The following CDH24 variants were observed in gnomAD, a reference collection of about 807,000 sequenced individuals.
The protein encoded by CDH24 is cadherin-24.
CDH24 carries 61 observed loss-of-function variants against 71.2 expected under a neutral mutation model. The observed-to-expected ratio is 0.86, with a 90% CI of 0.70 to 1.06. The LOEUF (loss-of-function observed/expected upper bound fraction) is 1.06. CDH24 is among the 50% of genes least tolerant of loss of function. The pLI, the probability that CDH24 is intolerant of heterozygous loss-of-function variation, is 0.00. For synonymous variants in CDH24, 440 were observed against 470.2 expected, an observed-to-expected ratio of 0.94 and a Z score of 0.83; for missense variants, 961 against 1,083.7, an observed-to-expected ratio of 0.89 and a Z score of 1.59.
Position 23,047,940 on chromosome 14 carries a change from G to A in CDH24, c.*40C>T. On this transcript the variant is annotated 3_prime_UTR_variant, in exon 12 of 13. Coordinates refer to ENST00000487137, the MANE Select transcript of CDH24 (RefSeq NM_144985.4). The stretch of plus-strand genomic sequence containing the variant: ...GGGCTCACTCAGAGGGCCTGTGCCC[G>A]CTGCCCCCCCCCCGCGGTGGGCCGG... 3.1e-6 allele frequency: 4 copies of A among 1,280,016 alleles called. No homozygotes were observed. The highest frequency in any genetic ancestry group is 2.0e-6 in the Non-Finnish European group (2 of 1,014,506). 79.3% of individuals were successfully genotyped at this position (1,280,016 alleles called of 1,614,324 possible).
At position 23,051,194 on chromosome 14, in the gene CDH24, G is replaced by C. The variant is rs536838609; in HGVS notation, c.1364-1251C>G. ...TACTATGCACACAGTTGCATGTATA[G>C]AAACATAAACCTAGACACATAGCAT... On this transcript the variant is annotated intron_variant, in intron 8 of 12. Transcript: ENST00000487137. This position sits in a 1 kb window ranked among gnomAD's most constrained non-coding sequence, Gnocchi z 4.4. 6.6e-6 allele frequency among the ~76,000 whole-genome samples: 1 copy of C among 152,180 alleles called. No homozygotes were observed. Among genetic ancestry groups the C allele is most frequent in the East Asian group, 1.9e-4 (1 of 5,200 alleles).
rs556785546 is a variant in CDH24 at position 23,047,451 on chromosome 14, G to A, written c.*519+10C>T. 4 of 152,936 alleles carry A rather than the reference G, an allele frequency of 2.6e-5. No homozygotes were observed. In the East Asian group the frequency reaches 5.8e-4, roughly 22 times the overall value. 9.5% of individuals were successfully genotyped at this position (152,936 alleles called of 1,614,324 possible). A position where few individuals can be genotyped will look rare whatever the true frequency, so the allele number is the denominator to read the frequency against. ...TCCACCGCCCTGCCCCACAGTCTAG[G>A]GGCACTGACCTGGGGCACAACATCC... On this transcript the variant is annotated intron_variant, in intron 12 of 12. Transcript: ENST00000487137.
At position 23,052,097 on chromosome 14, in the gene CDH24, T is replaced by C. The variant is rs941053578; in HGVS notation, c.1363+376A>G. 4.3e-6 allele frequency: 6 copies of C among 1,390,540 alleles called. No individual in the cohort carries two copies. In the African/African-American group the frequency reaches 8.6e-5, roughly 20 times the overall value. The allele number at this position is 1,390,540 out of a possible 1,614,324, so 86.1% of individuals were successfully genotyped here. On this transcript the variant is annotated intron_variant, in intron 8 of 12. Coordinates refer to ENST00000487137, the MANE Select transcript of CDH24 (RefSeq NM_144985.4). ...CCCAGCTCCAGCCTGAAGCAGAGAG[T>C]GGGCAGGATGGGGTCTGTCAGTACA... is the stretch of plus-strand genomic sequence containing the variant.
rs2047093643 is a variant in CDH24 at position 23,052,604 on chromosome 14, G to A, written c.1232C>T (p.Ser411Phe). ...CTCCGGATCTGAGTGGGGGAGGATG[G>A]AGTATCTGGGGAAGGGAGAGACATG... ...LDSPASPIRY[S>F]ILPHSDPERC... The change falls in exon 8 of 13, where the codon TCC becomes TTC. Residue 411 changes from serine to phenylalanine, a missense_variant. Ser to Phe is a radical substitution (Grantham distance 155, BLOSUM62 -2). Around this residue, in one of 2 missense-constraint regions of CDH24, gnomAD observed 671 missense variants for 810.9 expected, o/e 0.83. Coordinates refer to ENST00000487137, the MANE Select transcript of CDH24 (RefSeq NM_144985.4). 1 of 1,613,542 alleles carries A rather than the reference G, an allele frequency of 6.2e-7. No individual in the cohort carries two copies. The highest frequency in any genetic ancestry group is 1.3e-5 in the African/African-American group (1 of 74,920).
In CDH24 at chr14:23,054,934, G is replaced by A; in HGVS notation, c.497-68C>T. ...GATGGGGAAGAACAACCGATGGGGG[G>A]GGATGCAGATACGAGGGAGGCTGAA... On this transcript the variant is annotated intron_variant, in intron 3 of 12. Transcript: ENST00000487137. The surrounding 1 kb of genome is among the most constrained non-coding windows in gnomAD (Gnocchi z 5.2). 2 of 1,604,442 alleles carry A rather than the reference G, an allele frequency of 1.2e-6. No homozygotes were observed. Among genetic ancestry groups the A allele is most frequent in the South Asian group, 1.1e-5 (1 of 90,316 alleles).
At chr14:23,056,621 C>A (rs2047132291) in intron 1 of CDH24, among the ~76,000 whole-genome samples, 1 of 152,198 alleles carries the variant, frequency 6.6e-6, no homozygotes, top group African/African-American at 2.4e-5. Flanking sequence ...GCCTGGGTGT[C>A]TGAAGGCAGA....
chr14:23,054,109 T>G lies in CDH24; in HGVS notation c.972+32A>C, dbSNP rs115336869. The G allele has an allele frequency of 7.8e-4, 1,218 of 1,559,330 alleles. 6 individuals carry two copies. In the African/African-American group the frequency reaches 0.014, roughly 18 times the overall value. ...CCTGTGGGTCGGCAGGAGGCAGGTC[T>G]AAGAGAAAGCATTAACAGGCAGGAG... On this transcript the variant is annotated intron_variant, in intron 6 of 12. Coordinates refer to ENST00000487137, the MANE Select transcript of CDH24 (RefSeq NM_144985.4). The surrounding 1 kb of genome is among the most constrained non-coding windows in gnomAD (Gnocchi z 5.2).
Position 23,057,027 on chromosome 14 carries a change from G to A in CDH24, c.-125+376C>T, listed in dbSNP as rs567607502. Among the ~76,000 whole-genome samples the A allele has an allele frequency of 1.3e-5, 2 of 151,992 alleles. No individual in the cohort carries two copies. The highest frequency in any genetic ancestry group is 1.3e-4 in the Admixed American group (2 of 15,258). On this transcript the variant is annotated intron_variant, in intron 1 of 12. Coordinates refer to ENST00000487137, the MANE Select transcript of CDH24 (RefSeq NM_144985.4). This position sits in a 1 kb window ranked among gnomAD's most constrained non-coding sequence, Gnocchi z 5.4. Reference sequence around the variant, plus strand: ...GAGTGGGAAACAGGATAGCAGGAAGGGGAGAGGAGAGGGAGGGAAAGGAGA... The same window carrying A: ...GAGTGGGAAACAGGATAGCAGGAAGAGGAGAGGAGAGGGAGGGAAAGGAGA...
Position 23,055,759 on chromosome 14 carries a change from T to A in CDH24, c.-26A>T. ...GTTTGGACTCCAGCCAGGGCTCTGT[T>A]CACTGGCCCTGGGTGCTGAGGCTGG... On this transcript the variant is annotated 5_prime_UTR_variant, in exon 2 of 13. It removes the in-frame stop codon of an upstream open reading frame in the 5' UTR. Transcript: ENST00000487137. This position sits in a 1 kb window ranked among gnomAD's most constrained non-coding sequence, Gnocchi z 4.1. 6.5e-7 allele frequency: 1 copy of A among 1,528,232 alleles called. No individual in the cohort carries two copies. The highest frequency in any genetic ancestry group is 8.7e-7 in the Non-Finnish European group (1 of 1,143,282). 94.7% of individuals were successfully genotyped at this position (1,528,232 alleles called of 1,614,324 possible).
Position 23,052,510 on chromosome 14 carries a change from G to A in CDH24, c.1326C>T (p.Arg442=), listed in dbSNP as rs767768911. The A allele has an allele frequency of 3.0e-5, 49 of 1,613,910 alleles. No homozygotes were observed. The highest frequency in any genetic ancestry group is 5.0e-5 in the Admixed American group (3 of 60,002). ...CCAGCACAGTGAGGTTGTGCCAGGC[G>A]CGAGCCTCGCGATCCAGGGGTGCTG... ...HTAAPLDREA[R]AWHNLTVLAT... is the part of the protein sequence containing the mutation. The change falls in exon 8 of 13, where the codon CGC becomes CGT. Residue 442 remains arginine (R), a synonymous_variant. Coordinates refer to ENST00000487137, the MANE Select transcript of CDH24 (RefSeq NM_144985.4).
Position 23,053,727 on chromosome 14 carries a change from C to A in CDH24, c.995G>T (p.Arg332Leu), listed in dbSNP as rs1328032416. ...GGCCTCGACACGGAAGGAGTAGGAG[C>A]GCTGGCTCTCAAAGTCTAGGGGCTA... ...VRKPLDFESQ[R>L]SYSFRVEATN... The change falls in exon 7 of 13, where the codon CGC becomes CTC. Residue 332 changes from arginine to leucine, a missense_variant. Around this residue, in one of 2 missense-constraint regions of CDH24, gnomAD observed 671 missense variants for 810.9 expected, o/e 0.83. Transcript: ENST00000487137. 6.2e-7 allele frequency: 1 copy of A among 1,608,332 alleles called. No individual in the cohort carries two copies. The highest frequency in any genetic ancestry group is 1.1e-5 in the South Asian group (1 of 90,960).
intron 1 of CDH24, among the ~76,000 whole-genome samples, chr14:23,056,969 CGGGATGAGGAG>C (rs2047139254): frequency 4.4e-5 from 4 of 91,700 alleles, no homozygotes; most frequent in Non-Finnish European, 9.4e-5. Context: ...AGAGAGAAGG[CGGGATGAGGAG>C]GCGAGAAGGA....
In CDH24 at chr14:23,054,729, C is replaced by G. The variant is rs368508934; in HGVS notation, c.616+18G>C. On this transcript the variant is annotated intron_variant, in intron 4 of 12. Transcript: ENST00000487137. The surrounding 1 kb of genome is among the most constrained non-coding windows in gnomAD (Gnocchi z 5.2). ...GTCCCCTTGGCTGCCCCACCGGGCT[C>G]CCAGGCTCCATCCTCACCAGTCTGG... 6.2e-7 allele frequency: 1 copy of G among 1,613,952 alleles called. No homozygotes were observed. The highest frequency in any genetic ancestry group is 1.3e-5 in the African/African-American group (1 of 74,900).
rs1446895322 is a variant in CDH24, at chr14:23,054,193, A to G, written c.920T>C (p.Phe307Ser). The G allele has an allele frequency of 6.2e-7, 1 of 1,613,186 alleles. No individual in the cohort carries two copies. The highest frequency in any genetic ancestry group is 8.5e-7 in the Non-Finnish European group (1 of 1,179,670). The change falls in exon 6 of 13, where the codon TTC becomes TCC. Residue 307 changes from phenylalanine (F) to serine (S), a missense_variant. Physicochemically the swap from Phe to Ser is radical, Grantham distance 155. This residue lies in a region of CDH24 where 671 missense variants were observed against 810.9 expected (regional missense o/e 0.83). Coordinates refer to ENST00000487137, the MANE Select transcript of CDH24 (RefSeq NM_144985.4). This position sits in a 1 kb window ranked among gnomAD's most constrained non-coding sequence, Gnocchi z 5.2. ...ACCCTGCAAGTCTGTGCTGATGCTGAAGGCCTCAGACCCCTCCCCATCCAG... is the reference window on the plus strand; with the variant it reads ...ACCCTGCAAGTCTGTGCTGATGCTGGAGGCCTCAGACCCCTCCCCATCCAG... ...SILDGEGSEA[F>S]SISTDLQGRD...
intron 7 of CDH24, among the ~76,000 whole-genome samples, chr14:23,052,830 AG>A (rs1302829219): frequency 6.6e-6 from 1 of 151,904 alleles, no homozygotes; most frequent in Non-Finnish European, 1.5e-5. Context: ...TCACGGGGGG[AG>A]GGGGAGAAGA....
Position 23,053,599 on chromosome 14 carries a change from T to A in CDH24, c.1123A>T (p.Thr375Ser). ...VQDAPEPPAF[T>S]QAAYHLTVPE... Reference sequence around the variant, plus strand: ...ACTGTCAGGTGGTAGGCAGCCTGGGTGAAGGCAGGTGGCTCTGGGGCATCT... The same window carrying A: ...ACTGTCAGGTGGTAGGCAGCCTGGGAGAAGGCAGGTGGCTCTGGGGCATCT... Residue 375 changes from threonine (T) to serine (S), a missense_variant, in exon 7 of 13, where the codon ACC becomes TCC. Around this residue, in one of 2 missense-constraint regions of CDH24, gnomAD observed 671 missense variants for 810.9 expected, o/e 0.83. Transcript: ENST00000487137. 1 of 1,613,362 alleles carries A rather than the reference T, an allele frequency of 6.2e-7. No individual in the cohort carries two copies. The highest frequency in any genetic ancestry group is 1.3e-5 in the African/African-American group (1 of 75,008).
chr14:23,051,530 TATCA>T lies in CDH24; in HGVS notation c.1363+939_1363+942del, dbSNP rs2047085182. On this transcript the variant is annotated intron_variant, in intron 8 of 12. Coordinates refer to ENST00000487137, the MANE Select transcript of CDH24 (RefSeq NM_144985.4). The surrounding 1 kb of genome is among the most constrained non-coding windows in gnomAD (Gnocchi z 4.4). ...AGCTACATGTGCATACCACTGTATA[TATCA>T]ATCACACATATGCATAATTAACATA... Among the ~76,000 whole-genome samples the T allele has an allele frequency of 6.6e-6, 1 of 152,246 alleles. No individual in the cohort carries two copies.
chr14:23,056,215 C>T (rs1360395177), intron 1 of CDH24, among the ~76,000 whole-genome samples: 2 of 152,194 alleles, frequency 1.3e-5, no homozygotes, highest in African/African-American at 2.4e-5. Flanking sequence ...CTTAAAATTA[C>T]GGAGTTGGGA....
Position 23,049,193 on chromosome 14 carries a change from GTCCCACAGT to G in CDH24, c.1671_1679del (p.Glu557_Trp559del). 1 of 1,576,228 alleles carries G rather than the reference GTCCCACAGT, an allele frequency of 6.3e-7. No homozygotes were observed. The highest frequency in any genetic ancestry group is 1.2e-5 in the South Asian group (1 of 86,952). On this transcript the variant is annotated inframe_deletion, in exon 11 of 13. Coordinates refer to ENST00000487137, the MANE Select transcript of CDH24 (RefSeq NM_144985.4). The stretch of plus-strand genomic sequence containing the variant: ...TGCTGCTCAGCGCCGGCTGCCCCCA[GTCCCACAGT>G]TCTATGGGAACCAAGTAGGGGGCAT...
Sources: allele counts gnomAD v4.1 joint callset (sites outside exome capture counted in the v4.1 genomes callset), GRCh38; gene constraint gnomAD v4.1.1; regional missense constraint gnomAD v4.1.1; non-coding constraint Gnocchi (gnomAD v3.1); transcripts MANE v1.5; gene names NCBI Gene and HGNC (gene_info 2026-07-23, HGNC 2026-07-21).